MYO1D: variants seen among roughly 807,000 people sequenced by gnomAD.
MYO1D encodes the protein myosin ID.
MYO1D carries 83 observed loss-of-function variants against 122.0 expected under a neutral mutation model. That is an observed-to-expected ratio of 0.68 (90% CI 0.57 to 0.82). The LOEUF (loss-of-function observed/expected upper bound fraction) is 0.82. Ranked by LOEUF, MYO1D falls within the 40% of genes least tolerant of loss-of-function variation. The pLI is 0.00. For missense variants in MYO1D, 1,157 were observed against 1,269.5 expected (o/e 0.91, Z 1.35); for synonymous variants, 464 against 446.9 (o/e 1.04, Z -0.48).
At chr17:32,771,305 T>G (rs1317522978) in intron 5 of MYO1D, 85 bp from the exon 6 acceptor site, 1 of 928,328 alleles carries the variant, frequency 1.1e-6, no homozygotes, top group African/African-American at 1.7e-5. Flanking sequence ...TTTTATTCAT[T>G]TTCTGGGCTT....
intron 16 of MYO1D, among the ~76,000 whole-genome samples, chr17:32,692,698 A>G (rs867961782): frequency 2.6e-5 from 4 of 152,336 alleles, no homozygotes; most frequent in Middle Eastern, 3.4e-3. Context: ...ACAGCCGGGC[A>G]ACAGGGGCAG....
At chr17:32,782,243 T>C (rs970494967) in intron 1 of MYO1D, among the ~76,000 whole-genome samples, 15 of 152,228 alleles carry the variant, frequency 9.9e-5, no homozygotes, top group Middle Eastern at 3.2e-3. Flanking sequence ...ATTTTAACAG[T>C]TATTAACTAC....
intron 21 of MYO1D, among the ~76,000 whole-genome samples, chr17:32,541,339 C>T (rs1272616269): frequency 1.3e-5 from 2 of 152,112 alleles, no homozygotes; most frequent in Non-Finnish European, 1.5e-5. Context: ...CACAAAGGAC[C>T]ACATATTATA....
At chr17:32,592,361 A>C (rs1007375322) in intron 21 of MYO1D, among the ~76,000 whole-genome samples, 1 of 152,242 alleles carries the variant, frequency 6.6e-6, no homozygotes, top group Non-Finnish European at 1.5e-5. Context: ...GGAATAATAC[A>C]GTATGTAGGC....
At chr17:32,703,937 G>A (rs971848274) in intron 16 of MYO1D, among the ~76,000 whole-genome samples, 13 of 152,092 alleles carry the variant, frequency 8.5e-5, no homozygotes, top group African/African-American at 3.1e-4. Flanking sequence ...AACCAGAAAG[G>A]CCCAGGTTGA....
At chr17:32,624,730 T>C (rs993974499) in intron 20 of MYO1D, among the ~76,000 whole-genome samples, 2 of 150,724 alleles carry the variant, frequency 1.3e-5, no homozygotes, top group Non-Finnish European at 2.9e-5. Flanking sequence ...GGTGCTGTTT[T>C]TTCCCCCCTA....
chr17:32,588,945 A>AAAAC (rs71144844), intron 21 of MYO1D, among the ~76,000 whole-genome samples: 13 of 147,516 alleles, frequency 8.8e-5, no homozygotes, highest in African/African-American at 2.8e-4. Context: ...TTTGCCTCAA[A>AAAAC]AAACAAACAA....
At chr17:32,828,940 TA>T (rs2090748349) in intron 1 of MYO1D, among the ~76,000 whole-genome samples, 2 of 152,140 alleles carry the variant, frequency 1.3e-5, no homozygotes, top group Admixed American at 6.5e-5. Flanking sequence ...GCCACACTAT[TA>T]GTAAGTGACA....
chr17:32,674,157 G>T (rs1015364316), intron 16 of MYO1D, among the ~76,000 whole-genome samples: 5 of 152,190 alleles, frequency 3.3e-5, no homozygotes, highest in Non-Finnish European at 7.3e-5. Flanking sequence ...GACTGGCACT[G>T]TGTGGGGGTG....
At chr17:32,836,381 A>C (rs2090823758) in intron 1 of MYO1D, among the ~76,000 whole-genome samples, 1 of 152,184 alleles carries the variant, frequency 6.6e-6, no homozygotes, top group Non-Finnish European at 1.5e-5. Flanking sequence ...AGTTTGCTGA[A>C]TTTGGACACA....
intron 1 of MYO1D, among the ~76,000 whole-genome samples, chr17:32,829,612 C>A (rs140029610): frequency 6.6e-6 from 1 of 152,176 alleles, no homozygotes; most frequent in African/African-American, 2.4e-5. Flanking sequence ...TGCCACCAAG[C>A]GCAGCTAATT....
chr17:32,685,949 T>A (rs549806146), intron 16 of MYO1D, among the ~76,000 whole-genome samples: 1 of 152,352 alleles, frequency 6.6e-6, no homozygotes, highest in African/African-American at 2.4e-5. Context: ...GACCAAACCC[T>A]AGATGCATGA....
chr17:32,677,169 A>C (rs1467814607), intron 16 of MYO1D, among the ~76,000 whole-genome samples: 1 of 152,108 alleles, frequency 6.6e-6, no homozygotes, highest in Non-Finnish European at 1.5e-5. Flanking sequence ...GAATTCTTTT[A>C]CTGCTGCTAT....
chr17:32,842,659 C>T (rs887618879), intron 1 of MYO1D, among the ~76,000 whole-genome samples: 1 of 152,112 alleles, frequency 6.6e-6, no homozygotes, highest in Non-Finnish European at 1.5e-5. Flanking sequence ...CGAACTTTCA[C>T]TCAAGGTGTC....
intron 1 of MYO1D, among the ~76,000 whole-genome samples, chr17:32,790,118 A>G (rs1249737779): frequency 6.6e-6 from 1 of 152,164 alleles, no homozygotes; most frequent in East Asian, 1.9e-4. Context: ...AAAATATGCA[A>G]CCTCAGGTAT....
At chr17:32,648,247 C>CT (rs2088327550) in intron 19 of MYO1D, among the ~76,000 whole-genome samples, 1 of 151,976 alleles carries the variant, frequency 6.6e-6, no homozygotes, top group Non-Finnish European at 1.5e-5. Context: ...AAACAAGCCT[C>CT]TATCACGTTG....
chr17:32,598,134 G>A (rs2087520152), intron 21 of MYO1D, among the ~76,000 whole-genome samples: 1 of 152,124 alleles, frequency 6.6e-6, no homozygotes, highest in Non-Finnish European at 1.5e-5. Flanking sequence ...AGCACTTTGC[G>A]GGGCCAGGGC....
At chr17:32,687,260 G>C (rs565079342) in intron 16 of MYO1D, among the ~76,000 whole-genome samples, 2 of 149,448 alleles carry the variant, frequency 1.3e-5, no homozygotes, top group Non-Finnish European at 1.5e-5. Context: ...GCAGTGGCGC[G>C]ATCTCAGCTC....
In MYO1D at chr17:32,714,319, G is replaced by A. The variant is rs143959906; in HGVS notation, c.1914-2124C>T. Among the ~76,000 whole-genome samples the A allele has an allele frequency of 3.7e-4, 56 of 151,782 alleles. 1 individual carries two copies. The East Asian group carries it at 4.1e-3, about 11-fold the overall frequency. ...CCCACTTATAAGTGAGAACATGTGC[G>A]GTTTGGTTTTCTGTTCCTCTGTTAG... On this transcript the variant is annotated intron_variant, in intron 15 of 21. Coordinates refer to ENST00000318217, the MANE Select transcript of MYO1D (RefSeq NM_015194.3).
Sources: gnomAD v4.1 joint callset for allele counts (sites outside exome capture counted in the v4.1 genomes callset) on GRCh38, gnomAD v4.1.1 for gene constraint, MANE v1.5 for transcripts, NCBI Gene and HGNC (gene_info 2026-07-23, HGNC 2026-07-21) for gene names.